The following TRIO variants were observed in gnomAD, a reference collection of about 807,000 sequenced individuals.
TRIO encodes the protein trio Rho guanine nucleotide exchange factor, also known as triple functional domain protein.
In TRIO, 58 loss-of-function variants were observed where a neutral mutation model predicts 351.9. The observed-to-expected ratio is 0.16, with a 90% CI of 0.13 to 0.21. The LOEUF (loss-of-function observed/expected upper bound fraction) is 0.21. TRIO is among the 10% of genes least tolerant of loss of function. The pLI, the probability that TRIO is intolerant of heterozygous loss-of-function variation, is 1.00. For missense variants in TRIO, 3,201 were observed against 4,027.8 expected, an observed-to-expected ratio of 0.79 and a Z score of 5.56; for synonymous variants, 1,758 against 1,595.7, an observed-to-expected ratio of 1.10 and a Z score of -2.42.
intron 2 of TRIO, 34 bp from the exon 3 acceptor site, chr5:14,280,288 G>C: frequency 6.4e-7 from 1 of 1,573,234 alleles, no homozygotes; most frequent in Non-Finnish European, 8.7e-7. Context: ...GTCTTATCTT[G>C]TGTCTAAGTG....
chr5:14,308,677 CCATCCATT>C (rs775682260), intron 8 of TRIO, among the ~76,000 whole-genome samples: 32 of 116,414 alleles, frequency 2.7e-4, no homozygotes, highest in African/African-American at 1.1e-3. Flanking sequence ...ATCCATCCAT[CCATCCATT>C]CATTCTCCTA....
chr5:14,478,193 G>C (rs556607740), intron 41 of TRIO, among the ~76,000 whole-genome samples: 172 of 152,274 alleles, frequency 1.1e-3, no homozygotes, highest in Non-Finnish European at 1.6e-3. Context: ...ACATCATCTT[G>C]TCACAAGAAT....
chr5:14,361,714 C>G (rs1744167160), intron 13 of TRIO, among the ~76,000 whole-genome samples: 1 of 152,210 alleles, frequency 6.6e-6, no homozygotes, highest in Non-Finnish European at 1.5e-5. Flanking sequence ...GACAGTCCTC[C>G]TGTGGAGAAG....
intron 34 of TRIO, among the ~76,000 whole-genome samples, chr5:14,426,069 C>G (rs1181117047): frequency 6.6e-6 from 1 of 152,210 alleles, no homozygotes; most frequent in Admixed American, 6.5e-5. Flanking sequence ...ATCACCTGAT[C>G]ACCTGACCTC....
chr5:14,345,574 T>G (rs1448251106), intron 11 of TRIO, among the ~76,000 whole-genome samples: 2 of 152,312 alleles, frequency 1.3e-5, no homozygotes, highest in East Asian at 1.9e-4. Context: ...AGCCCTGTTT[T>G]TTTTGAGACA....
intron 1 of TRIO, among the ~76,000 whole-genome samples, chr5:14,247,068 C>T (rs1794481360): frequency 6.6e-6 from 1 of 152,256 alleles, no homozygotes; most frequent in Non-Finnish European, 1.5e-5. Context: ...GTCCACCCCC[C>T]ACCTCCCCCT....
chr5:14,268,622 C>T (rs551583411), intron 1 of TRIO, among the ~76,000 whole-genome samples: 2 of 152,168 alleles, frequency 1.3e-5, no homozygotes, highest in African/African-American at 2.4e-5. Flanking sequence ...GGGAATCCTC[C>T]CTTCAAACAG....
In TRIO at chr5:14,462,861, C is replaced by T; in HGVS notation, c.5603C>T (p.Pro1868Leu). 6.2e-7 allele frequency: 1 copy of T among 1,612,980 alleles called. No homozygotes were observed. The highest frequency in any genetic ancestry group is 8.5e-7 in the Non-Finnish European group (1 of 1,179,454). The change falls in exon 36 of 57, where the codon CCC (proline) becomes CTC (leucine). Residue 1868 changes from proline to leucine, a missense_variant. Pro to Leu is a moderately conservative substitution (Grantham distance 98). Coordinates refer to ENST00000344204, the MANE Select transcript of TRIO (RefSeq NM_007118.4). Reference sequence around the variant, plus strand: ...GGCGAGGAGGGGGCCGACGCCGTGCCCCTGCCGCCACCCATGGCCATCCAG... The same window carrying T: ...GGCGAGGAGGGGGCCGACGCCGTGCTCCTGCCGCCACCCATGGCCATCCAG... ...EEGEEGADAV[P>L]LPPPMAIQQH...
chr5:14,377,156 G>GTT (rs112812791), intron 19 of TRIO, among the ~76,000 whole-genome samples: 5 of 137,454 alleles, frequency 3.6e-5, no homozygotes, highest in African/African-American at 1.3e-4. Flanking sequence ...CATGAGGTTT[G>GTT]TTTTTTTTTT....
intron 1 of TRIO, among the ~76,000 whole-genome samples, chr5:14,165,247 T>TG (rs1788697985): frequency 6.6e-6 from 1 of 152,228 alleles, no homozygotes; most frequent in Non-Finnish European, 1.5e-5. Flanking sequence ...TAGTACCTGA[T>TG]GCGTAGTTTT....
At position 14,481,236 on chromosome 5, in the gene TRIO, C is replaced by T; in HGVS notation, c.6339C>T (p.Asp2113=). 2 of 1,613,810 alleles carry T rather than the reference C, an allele frequency of 1.2e-6. No homozygotes were observed. Among genetic ancestry groups the T allele is most frequent in the Non-Finnish European group, 8.5e-7 (1 of 1,179,896 alleles). Residue 2113 remains aspartate, a splice_region_variant and synonymous_variant, in exon 44 of 57, where the codon GAC becomes GAT. Coordinates refer to ENST00000344204, the MANE Select transcript of TRIO (RefSeq NM_007118.4). ...TGTCCTCTCCATTTCCCTTGCAGGA[C>T]TTCCTCAAGTATTCCAAAAAGGCCA... ...RIMKYQLLLK[D]FLKYSKKASL...
intron 34 of TRIO, among the ~76,000 whole-genome samples, chr5:14,452,916 T>C (rs1752944026): frequency 6.6e-6 from 1 of 152,150 alleles, no homozygotes; most frequent in Non-Finnish European, 1.5e-5. Flanking sequence ...TTAAGGTTTT[T>C]ATTAATCACA....
At chr5:14,378,920 G>T (rs1579477989) in intron 20 of TRIO, among the ~76,000 whole-genome samples, 1 of 152,150 alleles carries the variant, frequency 6.6e-6, no homozygotes, top group African/African-American at 2.4e-5. Context: ...GGTACATTTG[G>T]AGTATCCCCT....
chr5:14,376,247 A>G (rs1422008982), intron 19 of TRIO, among the ~76,000 whole-genome samples: 1 of 151,904 alleles, frequency 6.6e-6, no homozygotes, highest in Non-Finnish European at 1.5e-5. Context: ...GTTACCGGGA[A>G]CCCTTTATTT....
chr5:14,165,260 A>C lies in TRIO; in HGVS notation c.157+21378A>C, dbSNP rs1045247989. 1.1e-4 allele frequency among the ~76,000 whole-genome samples: 17 copies of C among 152,234 alleles called. No homozygotes were observed. In the East Asian group the frequency reaches 2.5e-3, roughly 22 times the overall value. On this transcript the variant is annotated intron_variant, in intron 1 of 56. Transcript: ENST00000344204. ...CATAGTACCTGATGCGTAGTTTTTA[A>C]ACCGACACCCTCACCCTCTGGTAGT...
intron 20 of TRIO, among the ~76,000 whole-genome samples, chr5:14,379,366 G>T (rs1561415637): frequency 6.6e-6 from 1 of 152,216 alleles, no homozygotes; most frequent in African/African-American, 2.4e-5. Context: ...AACAGCTCTT[G>T]TTCCAATCTG....
intron 34 of TRIO, among the ~76,000 whole-genome samples, chr5:14,458,057 T>TC (rs1237510581): frequency 2.0e-5 from 3 of 151,188 alleles, no homozygotes; most frequent in Non-Finnish European, 2.9e-5. Context: ...TTTTTTTTTT[T>TC]CCTCCATCAG....
At chr5:14,473,257 G>A (rs1754813755) in intron 39 of TRIO, among the ~76,000 whole-genome samples, 1 of 152,200 alleles carries the variant, frequency 6.6e-6, no homozygotes, top group Admixed American at 6.5e-5. Context: ...GGGGATTAGT[G>A]AGATTAAGAA....
rs771172274 is a variant in TRIO at position 14,502,701 on chromosome 5, G to A, written c.8411+44G>A. ...AACGCCTTCCGAAAGAGCAGAGCGT[G>A]GGGAAGACATACCAGAGAGTGCAGG... On this transcript the variant is annotated intron_variant, in intron 54 of 56. Transcript: ENST00000344204. 17 of 1,582,210 alleles carry A rather than the reference G, an allele frequency of 1.1e-5. No homozygotes were observed. The South Asian group carries it at 1.4e-4, about 13-fold the overall frequency.
Sources: allele counts gnomAD v4.1 joint callset (sites outside exome capture counted in the v4.1 genomes callset), GRCh38; gene constraint gnomAD v4.1.1; transcripts MANE v1.5; gene names NCBI Gene and HGNC (gene_info 2026-07-23, HGNC 2026-07-21).